Variants in PREX2 observed in about 807,000 individuals in gnomAD.
The protein encoded by PREX2 is phosphatidylinositol 3,4,5-trisphosphate-dependent Rac exchanger 2 protein.
A neutral mutation model predicts 203.2 loss-of-function variants in PREX2; 107 were observed. The observed-to-expected ratio is 0.53, with a 90% CI of 0.45 to 0.62. PREX2 has a LOEUF of 0.62. Ranked by LOEUF, PREX2 falls within the 20% of genes least tolerant of loss-of-function variation. The probability of loss-of-function intolerance (pLI) is 0.00; values close to 1 mark genes in which losing one functional copy is unlikely to be tolerated. For missense variants in PREX2, 1,777 were observed against 1,955.9 expected (o/e 0.91, Z 1.72); for synonymous variants, 672 against 663.6 (o/e 1.01, Z -0.19).
intron 22 of PREX2, 80 bp downstream of exon 22, chr8:68,097,281 A>G: frequency 8.3e-7 from 1 of 1,208,602 alleles, no homozygotes; most frequent in African/African-American, 1.5e-5. Flanking sequence ...ACTTAAAAAA[A>G]TAAAAATAGC....
At chr8:68,181,808 G>T (rs906233093) in intron 35 of PREX2, among the ~76,000 whole-genome samples, 3 of 152,088 alleles carry the variant, frequency 2.0e-5, no homozygotes, top group Admixed American at 6.6e-5. Context: ...ACCAAAATAT[G>T]TTGACCACTC....
intron 5 of PREX2, among the ~76,000 whole-genome samples, chr8:68,029,301 A>G (rs1807814641): frequency 6.6e-6 from 1 of 152,012 alleles, no homozygotes; most frequent in Non-Finnish European, 1.5e-5. Flanking sequence ...TCCTTAGATA[A>G]TTGGACTCCA....
At chr8:68,069,744 T>C (rs6990381) in intron 12 of PREX2, 91 bp from the exon 13 acceptor site, 328,670 of 617,362 alleles carry the variant, frequency 0.53, 88,250 homozygotes, top group South Asian at 0.57. Context: ...TTCTAAAATA[T>C]TGACAGTGAA....
At chr8:68,051,195 T>G (rs1424881578) in intron 8 of PREX2, among the ~76,000 whole-genome samples, 1 of 152,058 alleles carries the variant, frequency 6.6e-6, no homozygotes, top group Non-Finnish European at 1.5e-5. Flanking sequence ...GGAGCATGAC[T>G]TGAATGATTT....
intron 35 of PREX2, among the ~76,000 whole-genome samples, chr8:68,177,993 T>A (rs969731709): frequency 6.6e-6 from 1 of 152,216 alleles, no homozygotes; most frequent in Non-Finnish European, 1.5e-5. Context: ...GGCTGCATAG[T>A]ATTCCATGGT....
At chr8:67,965,988 T>G (rs1432111910) in intron 1 of PREX2, among the ~76,000 whole-genome samples, 2 of 152,202 alleles carry the variant, frequency 1.3e-5, no homozygotes, top group Non-Finnish European at 2.9e-5. Flanking sequence ...CATTAAATGT[T>G]TTGAGGGTAG....
At chr8:68,040,511 C>T (rs1471952301) in intron 7 of PREX2, among the ~76,000 whole-genome samples, 1 of 152,166 alleles carries the variant, frequency 6.6e-6, no homozygotes, top group South Asian at 2.1e-4. Context: ...GGCCTTTGTA[C>T]TGGCTGTTTC....
chr8:67,971,829 A>G (rs1805935226), intron 1 of PREX2, among the ~76,000 whole-genome samples: 1 of 152,238 alleles, frequency 6.6e-6, no homozygotes, highest in South Asian at 2.1e-4. Flanking sequence ...GCAATAAGAC[A>G]ACAGTGATTA....
At chr8:68,224,789 A>T (rs1423872324) in intron 39 of PREX2, among the ~76,000 whole-genome samples, 163 bp downstream of exon 39, 1 of 152,086 alleles carries the variant, frequency 6.6e-6, no homozygotes, top group Non-Finnish European at 1.5e-5. Context: ...GTGATTACAC[A>T]TAAATGCTCT....
intron 35 of PREX2, among the ~76,000 whole-genome samples, chr8:68,161,067 A>T (rs1811642870): frequency 6.6e-6 from 1 of 151,944 alleles, no homozygotes; most frequent in African/African-American, 2.4e-5. Context: ...ATAACCTTTT[A>T]AAATTTTCTT....
chr8:68,133,829 T>C (rs1237786125), intron 31 of PREX2, among the ~76,000 whole-genome samples: 4 of 152,220 alleles, frequency 2.6e-5, no homozygotes, highest in African/African-American at 9.6e-5. Flanking sequence ...GTCACAATAT[T>C]GATTAGGAAA....
chr8:67,974,667 A>G (rs1806021110), intron 1 of PREX2, among the ~76,000 whole-genome samples: 1 of 152,122 alleles, frequency 6.6e-6, no homozygotes, highest in Non-Finnish European at 1.5e-5. Context: ...AAATTCTGAG[A>G]ATTTATTTGG....
chr8:67,975,690 C>CTTT (rs1806057690), intron 1 of PREX2, among the ~76,000 whole-genome samples: 5 of 37,674 alleles, frequency 1.3e-4, no homozygotes, highest in South Asian at 1.0e-3. Flanking sequence ...ACTGATTTCT[C>CTTT]TTTCTTTTTT....
intron 23 of PREX2, among the ~76,000 whole-genome samples, chr8:68,101,974 A>T (rs973617188): frequency 1.3e-5 from 2 of 152,196 alleles, no homozygotes; most frequent in African/African-American, 4.8e-5. Context: ...AGGCTTAAAT[A>T]AATGTCGGAG....
chr8:68,138,583 A>G, intron 33 of PREX2, 66 bp downstream of exon 33: 1 of 712,820 alleles, frequency 1.4e-6, no homozygotes, highest in African/African-American at 1.8e-5. Context: ...TAACTTTGGT[A>G]TTAATATATT....
chr8:67,993,066 GTTC>G lies in PREX2; in HGVS notation c.142-24777_142-24775del, dbSNP rs1419429093. 2.0e-5 allele frequency among the ~76,000 whole-genome samples: 3 copies of G among 152,244 alleles called. No homozygotes were observed. In the East Asian group the frequency reaches 5.8e-4, roughly 29 times the overall value. On this transcript the variant is annotated intron_variant, in intron 1 of 39. Transcript: ENST00000288368. Reference sequence around the variant, plus strand: ...TACGTTTGTAAGCAGATTTCAAAATGTTCTTATTTTTTAAATGAGGAAGAAATG... The same window carrying G: ...TACGTTTGTAAGCAGATTTCAAAATGTTATTTTTTAAATGAGGAAGAAATG...
chr8:68,066,281 C>A (rs1477962180), intron 11 of PREX2, among the ~76,000 whole-genome samples: 1 of 151,974 alleles, frequency 6.6e-6, no homozygotes, highest in East Asian at 1.9e-4. Flanking sequence ...CTATTTTTAG[C>A]TTTTTGAGGA....
At position 67,976,749 on chromosome 8, in the gene PREX2, C is replaced by T. The variant is rs576359832; in HGVS notation, c.141+24214C>T. Among the ~76,000 whole-genome samples, 17 of 40,588 alleles carry T rather than the reference C, an allele frequency of 4.2e-4. 1 individual carries two copies. Among genetic ancestry groups the T allele is most frequent in the Non-Finnish European group, 5.7e-4 (11 of 19,190 alleles). 26.6% of individuals were successfully genotyped at this position (40,588 alleles called of 152,430 possible). ...AGAGACAGAGAGAGAGAGAGAGATG[C>T]GAGAGAGACAGAGAGAGAGAGACAG... On this transcript the variant is annotated intron_variant, in intron 1 of 39. Coordinates refer to ENST00000288368, the MANE Select transcript of PREX2 (RefSeq NM_024870.4).
intron 38 of PREX2, chr8:68,220,324 G>A (rs188318619): frequency 6.6e-6 from 1 of 152,256 alleles, no homozygotes; most frequent in East Asian, 1.9e-4. Flanking sequence ...TATGTAACCA[G>A]CTGATTTGAT....
Sources: gnomAD v4.1 joint callset for allele counts (sites outside exome capture counted in the v4.1 genomes callset) on GRCh38, gnomAD v4.1.1 for gene constraint, MANE v1.5 for transcripts, NCBI Gene and HGNC (gene_info 2026-07-23, HGNC 2026-07-21) for gene names.